The following MED12L variants were observed in gnomAD, a reference collection of about 807,000 sequenced individuals.
MED12L encodes mediator of RNA polymerase II transcription subunit 12-like protein.
MED12L carries 60 observed loss-of-function variants against 281.3 expected under a neutral mutation model. The ratio of observed to expected loss-of-function variants is 0.21; its 90% CI spans 0.17 to 0.26. MED12L has a LOEUF of 0.26. Among genes scored for constraint, MED12L ranks in the 10% least tolerant of loss-of-function variants. MED12L has a pLI of 1.00. For synonymous variants in MED12L, 974 were observed against 987.2 expected (o/e 0.99, Z 0.25); for missense variants, 2,146 against 2,680.9 (o/e 0.80, Z 4.41).
Position 151,394,816 on chromosome 3 carries a change from G to A in MED12L, c.5769G>A (p.Gln1923=). The A allele has an allele frequency of 6.2e-7, 1 of 1,614,192 alleles. No homozygotes were observed. Among genetic ancestry groups the A allele is most frequent in the Non-Finnish European group, 8.5e-7 (1 of 1,180,018 alleles). Reference sequence around the variant, plus strand: ...TGATACAGATGAAGCTTCTGCAGCAGCAGCAGCAACAGCGACTTCTCAGGC... The same window carrying A: ...TGATACAGATGAAGCTTCTGCAGCAACAGCAGCAACAGCGACTTCTCAGGC... The part of the protein sequence containing the change: ...QQLIQMKLLQ[Q]QQQQRLLRQA... The change falls in exon 39 of 45, where the codon CAG becomes CAA. Residue 1923 remains glutamine, a synonymous_variant. Transcript: ENST00000687756.
At chr3:151,203,198 G>T (rs1161233956) in intron 16 of MED12L, 1 of 152,168 alleles carries the variant, frequency 6.6e-6, no homozygotes, top group East Asian at 1.9e-4. Context: ...CAACCCCATT[G>T]CAGGCTGCTG....
intron 42 of MED12L, among the ~76,000 whole-genome samples, chr3:151,415,081 G>A (rs1182781097): frequency 4.6e-5 from 7 of 152,140 alleles, no homozygotes; most frequent in Non-Finnish European, 1.0e-4. Context: ...AAATCACTGA[G>A]GAAAGTTACC....
At chr3:151,188,304 T>C (rs781268175) in intron 12 of MED12L, 50 bp from the exon 13 acceptor site, 2 of 1,473,336 alleles carry the variant, frequency 1.4e-6, no homozygotes, top group East Asian at 2.3e-5. Context: ...TCATGATCTG[T>C]TATGACTATA....
chr3:151,228,215 T>C (rs1202072955), intron 16 of MED12L, among the ~76,000 whole-genome samples: 1 of 152,178 alleles, frequency 6.6e-6, no homozygotes, highest in Non-Finnish European at 1.5e-5. Context: ...TGGGATACAG[T>C]GGGCCTTGGC....
Position 151,104,474 on chromosome 3 carries a change from G to A in MED12L, c.100-11864G>A, listed in dbSNP as rs1216052440. Among the ~76,000 whole-genome samples the A allele has an allele frequency of 5.9e-5, 9 of 152,246 alleles. No individual in the cohort carries two copies. The East Asian group carries it at 7.7e-4, about 13-fold the overall frequency. On this transcript the variant is annotated intron_variant, in intron 2 of 44. Transcript: ENST00000687756. ...CAGTCCCTATTGCTGTGCAGTCAGC[G>A]GCCGAGATGTCTGCTTATCCAGAGC...
In MED12L at chr3:151,378,184, A is replaced by G. The variant is rs1577499095; in HGVS notation, c.4478+11A>G. ...ACAGAAACAGAAAAGGTGTGGCTGG[A>G]AGATGGGCGTCTGTGTGAGAGTTTA... is the stretch of plus-strand genomic sequence containing the variant. On this transcript the variant is annotated intron_variant, in intron 31 of 44. Coordinates refer to ENST00000687756, the MANE Select transcript of MED12L (RefSeq NM_001393769.1). 6.3e-7 allele frequency: 1 copy of G among 1,592,264 alleles called. No homozygotes were observed. The highest frequency in any genetic ancestry group is 2.3e-5 in the East Asian group (1 of 44,080).
At chr3:151,147,862 A>T (rs535445772) in intron 5 of MED12L, among the ~76,000 whole-genome samples, 2 of 152,290 alleles carry the variant, frequency 1.3e-5, no homozygotes, top group South Asian at 4.1e-4. Context: ...TTTCTCTTAG[A>T]TATACAGGCT....
intron 17 of MED12L, among the ~76,000 whole-genome samples, 181 bp downstream of exon 17, chr3:151,350,387 C>T (rs930914561): frequency 1.3e-5 from 2 of 151,604 alleles, no homozygotes; most frequent in Non-Finnish European, 2.9e-5. Flanking sequence ...TTATAGCAAC[C>T]CTTGTATTAA....
chr3:151,186,805 A>G (rs1430378938), intron 12 of MED12L, among the ~76,000 whole-genome samples: 1 of 152,100 alleles, frequency 6.6e-6, no homozygotes, highest in East Asian at 1.9e-4. Flanking sequence ...TAATCTGCTT[A>G]TTGTTTAATA....
At chr3:151,282,745 G>A (rs76903091) in intron 16 of MED12L, among the ~76,000 whole-genome samples, 2,133 of 152,286 alleles carry the variant, frequency 0.014, 46 homozygotes, top group African/African-American at 0.05. Flanking sequence ...GCGTAATGTC[G>A]GGGATCCAAA....
rs376964454 is a variant in MED12L, at chr3:151,429,832, C to G, written c.6409-467C>G. ...TCCATCATATGGGGAGGGTATAGTC[C>G]CAAATGAGCCCTAGTCCTAGGGCAC... On this transcript the variant is annotated intron_variant, in intron 43 of 44. Transcript: ENST00000687756. 9.2e-5 allele frequency among the ~76,000 whole-genome samples: 14 copies of G among 152,260 alleles called. No homozygotes were observed. In the East Asian group the frequency reaches 2.1e-3, roughly 23 times the overall value.
At chr3:151,382,828 C>A in intron 33 of MED12L, 83 bp downstream of exon 33, 2 of 1,070,878 alleles carry the variant, frequency 1.9e-6, no homozygotes, top group Non-Finnish European at 2.8e-6. Context: ...CTCCTAAGTG[C>A]AAAGTCTGCA....
At chr3:151,363,045 G>T (rs972090935) in intron 21 of MED12L, among the ~76,000 whole-genome samples, 5 of 151,966 alleles carry the variant, frequency 3.3e-5, no homozygotes, top group African/African-American at 4.8e-5. Context: ...TAATACTCCT[G>T]CAGTGTGGTG....
chr3:151,378,027 G>A lies in MED12L; in HGVS notation c.4332G>A (p.Arg1444=). The A allele has an allele frequency of 1.2e-6, 2 of 1,606,332 alleles. No individual in the cohort carries two copies. The highest frequency in any genetic ancestry group is 1.7e-6 in the Non-Finnish European group (2 of 1,175,454). ...CTGATTTTAGTTCCTCCGAACGCAGGGGTGTATGGTTGGTGGCCCCCCTCA... is the reference window on the plus strand; with the variant it reads ...CTGATTTTAGTTCCTCCGAACGCAGAGGTGTATGGTTGGTGGCCCCCCTCA... The part of the protein sequence containing the change: ...IKTFLSSSER[R]GVWLVAPLIA... Residue 1444 remains arginine, a synonymous_variant, in exon 31 of 45, where the codon AGG becomes AGA. Transcript: ENST00000687756.
At chr3:151,239,774 G>T (rs1249440990) in intron 16 of MED12L, among the ~76,000 whole-genome samples, 1 of 152,114 alleles carries the variant, frequency 6.6e-6, no homozygotes, top group African/African-American at 2.4e-5. Flanking sequence ...TGTTATGGTT[G>T]TTAGTTTGCT....
At chr3:151,277,179 C>G (rs1742011139) in intron 16 of MED12L, among the ~76,000 whole-genome samples, 1 of 151,158 alleles carries the variant, frequency 6.6e-6, no homozygotes, top group Admixed American at 6.6e-5. Context: ...GCTGGGATTA[C>G]AGGTGTGAGC....
intron 2 of MED12L, among the ~76,000 whole-genome samples, chr3:151,101,156 C>G (rs947807233): frequency 6.6e-6 from 1 of 152,124 alleles, no homozygotes; most frequent in Non-Finnish European, 1.5e-5. Flanking sequence ...AAGTTAATGT[C>G]GGTTTACCTA....
chr3:151,369,501 A>G lies in MED12L; in HGVS notation c.3616A>G (p.Ile1206Val), dbSNP rs201015811. 117 of 1,612,126 alleles carry G rather than the reference A, an allele frequency of 7.3e-5. No individual in the cohort carries two copies. The highest frequency in any genetic ancestry group is 9.6e-5 in the Non-Finnish European group (113 of 1,178,730). Residue 1206 changes from isoleucine (I) to valine (V), a missense_variant, in exon 26 of 45, where the codon ATT becomes GTT. Transcript: ENST00000687756. Reference sequence around the variant, plus strand: ...CCTCTTAGCCGCTGCTCACAACAGCATTGAAGTGGGAGCCGTGTTTGCTGT... The same window carrying G: ...CCTCTTAGCCGCTGCTCACAACAGCGTTGAAGTGGGAGCCGTGTTTGCTGT... ...RHLLAAAHNSIEVGAVFAVLK... is the reference protein window; with the variant it reads ...RHLLAAAHNSVEVGAVFAVLK...
intron 31 of MED12L, 120 bp from the exon 32 acceptor site, chr3:151,379,993 T>G: frequency 1.6e-6 from 1 of 616,424 alleles, no homozygotes; most frequent in East Asian, 3.0e-5. Flanking sequence ...TTTCAAGCAG[T>G]CTTTGGCTAT....
Sources: gnomAD v4.1 joint callset for allele counts (sites outside exome capture counted in the v4.1 genomes callset) on GRCh38, gnomAD v4.1.1 for gene constraint, MANE v1.5 for transcripts, NCBI Gene and HGNC (gene_info 2026-07-23, HGNC 2026-07-21) for gene names.